Variants in LPP observed in about 807,000 individuals in gnomAD.
LPP encodes the protein LIM domain containing preferred translocation partner in lipoma, also known as lipoma-preferred partner.
Under a neutral mutation model 60.4 loss-of-function variants are expected in LPP, and 38 were observed. The observed-to-expected ratio is 0.63, with a 90% CI of 0.49 to 0.83. The LOEUF is 0.83. LPP is among the 40% of genes least tolerant of loss of function. The pLI is 0.00. For synonymous variants in LPP, 328 were observed against 290.8 expected (o/e 1.13, Z -1.30); for missense variants, 902 against 783.6 (o/e 1.15, Z -1.80).
At chr3:188,360,731 T>C (rs1373563477) in intron 3 of LPP, among the ~76,000 whole-genome samples, 1 of 152,174 alleles carries the variant, frequency 6.6e-6, no homozygotes, top group Non-Finnish European at 1.5e-5. Context: ...TAAACACTTT[T>C]ATTAGATAAG....
intron 7 of LPP, among the ~76,000 whole-genome samples, chr3:188,706,061 G>A (rs1865418013): frequency 6.6e-6 from 1 of 152,216 alleles, no homozygotes; most frequent in South Asian, 2.1e-4. Context: ...CTGTAAGAAT[G>A]AGTGGATAAA....
intron 9 of LPP, among the ~76,000 whole-genome samples, chr3:188,804,268 T>TATATATATATATATATATAG: frequency 3.3e-5 from 4 of 121,920 alleles, no homozygotes; most frequent in Non-Finnish European, 5.1e-5. Context: ...TATATATATA[T>TATATATATATATATATATAG]ATATATATAT....
intron 9 of LPP, among the ~76,000 whole-genome samples, chr3:188,858,746 C>T (rs1328714886): frequency 1.3e-5 from 2 of 152,002 alleles, no homozygotes; most frequent in Non-Finnish European, 2.9e-5. Flanking sequence ...AATTGTTTTT[C>T]TAAATTTTAT....
chr3:188,622,668 T>C (rs1846015812), intron 7 of LPP, among the ~76,000 whole-genome samples: 1 of 152,096 alleles, frequency 6.6e-6, no homozygotes. Flanking sequence ...TCGATATGTA[T>C]TATTGGTGAT....
intron 7 of LPP, among the ~76,000 whole-genome samples, chr3:188,680,626 A>G (rs1290824824): frequency 6.6e-6 from 1 of 152,192 alleles, no homozygotes; most frequent in East Asian, 1.9e-4. Flanking sequence ...AGAAAATAAT[A>G]ATTTTATTAA....
chr3:188,853,553 CAA>C (rs569201687), intron 9 of LPP, among the ~76,000 whole-genome samples: 18 of 152,274 alleles, frequency 1.2e-4, no homozygotes, highest in Non-Finnish European at 1.5e-4. Flanking sequence ...TTGACAGGAA[CAA>C]AGACTGAGTT....
chr3:188,609,982 G>C lies in LPP; in HGVS notation c.1113+138G>C, dbSNP rs1843351302. ...CAAATACAATCCCAGGGAAGGATGA[G>C]TGAAGCCAGAGAGGAGAGAGAGACT... On this transcript the variant is annotated intron_variant, in intron 7 of 11. Transcript: ENST00000617246. The surrounding 1 kb of genome is among the most constrained non-coding windows in gnomAD (Gnocchi z 6.9). 5 of 829,046 alleles carry C rather than the reference G, an allele frequency of 6.0e-6. No individual in the cohort carries two copies. The highest frequency in any genetic ancestry group is 3.5e-5 in the African/African-American group (2 of 57,662). The allele number at this position is 829,046 out of a possible 1,614,324, so 51.4% of individuals were successfully genotyped here.
intron 5 of LPP, among the ~76,000 whole-genome samples, chr3:188,486,136 G>T (rs1440932114): frequency 6.6e-6 from 1 of 151,872 alleles, no homozygotes; most frequent in Non-Finnish European, 1.5e-5. Context: ...ATATACCTTT[G>T]TATATGTTTA....
intron 5 of LPP, among the ~76,000 whole-genome samples, chr3:188,500,465 A>C (rs955288069): frequency 6.6e-6 from 1 of 152,122 alleles, no homozygotes; most frequent in Non-Finnish European, 1.5e-5. Flanking sequence ...GTAATATGCT[A>C]TTAAATTTGA....
chr3:188,623,739 A>G (rs1016503348), intron 7 of LPP, among the ~76,000 whole-genome samples: 7 of 152,260 alleles, frequency 4.6e-5, no homozygotes, highest in Non-Finnish European at 1.0e-4. Flanking sequence ...GCTGTGCAGC[A>G]ACTCAACTTT....
chr3:188,356,834 A>T (rs1767745599), intron 3 of LPP, among the ~76,000 whole-genome samples: 1 of 152,244 alleles, frequency 6.6e-6, no homozygotes, highest in Non-Finnish European at 1.5e-5. Context: ...GTTGACAAAG[A>T]CCATTATTTA....
At chr3:188,394,203 G>T (rs924267012) in intron 3 of LPP, among the ~76,000 whole-genome samples, 5 of 152,316 alleles carry the variant, frequency 3.3e-5, no homozygotes, top group African/African-American at 7.2e-5. Flanking sequence ...AACTGAGTGG[G>T]AAACAAATAA....
chr3:188,490,875 C>T (rs7434146), intron 5 of LPP, among the ~76,000 whole-genome samples: 3 of 150,710 alleles, frequency 2.0e-5, no homozygotes, highest in Admixed American at 1.3e-4. Flanking sequence ...CTGCCTTAGC[C>T]TCCCAAGTAG....
At chr3:188,288,115 A>T (rs1221175152) in intron 2 of LPP, among the ~76,000 whole-genome samples, 1 of 152,208 alleles carries the variant, frequency 6.6e-6, no homozygotes, top group East Asian at 1.9e-4. Context: ...TTTTATTTTG[A>T]AAAACAAAAG....
intron 5 of LPP, among the ~76,000 whole-genome samples, chr3:188,499,011 T>C (rs1811064391): frequency 6.6e-6 from 1 of 152,202 alleles, no homozygotes; most frequent in South Asian, 2.1e-4. Context: ...CTTTTTTTTC[T>C]TTTTGAGTTT....
At chr3:188,297,251 A>G (rs551901111) in intron 2 of LPP, among the ~76,000 whole-genome samples, 136 of 152,352 alleles carry the variant, frequency 8.9e-4, no homozygotes, top group Middle Eastern at 6.8e-3. Flanking sequence ...TCCATAGTGC[A>G]AGAATCAGCC....
chr3:188,655,017 T>C (rs1852865146), intron 7 of LPP, among the ~76,000 whole-genome samples: 1 of 152,242 alleles, frequency 6.6e-6, no homozygotes, highest in African/African-American at 2.4e-5. Flanking sequence ...ATGTGTAATA[T>C]GCATGTAAAA....
intron 4 of LPP, among the ~76,000 whole-genome samples, chr3:188,407,914 C>T (rs1309465449): frequency 7.9e-5 from 12 of 151,366 alleles, no homozygotes; most frequent in Non-Finnish European, 1.3e-4. Flanking sequence ...CTCAGCCTCC[C>T]GTATAGCTGG....
chr3:188,302,420 C>T (rs984912455), intron 2 of LPP, among the ~76,000 whole-genome samples: 1 of 152,186 alleles, frequency 6.6e-6, no homozygotes, highest in African/African-American at 2.4e-5. Flanking sequence ...TGAAAAGGAT[C>T]CTGCAAATAG....
Sources: gnomAD v4.1 joint callset for allele counts (sites outside exome capture counted in the v4.1 genomes callset) on GRCh38, gnomAD v4.1.1 for gene constraint, Gnocchi (gnomAD v3.1) non-coding constraint, MANE v1.5 for transcripts, NCBI Gene and HGNC (gene_info 2026-07-23, HGNC 2026-07-21) for gene names.